ACTN2: variants seen among roughly 807,000 people sequenced by gnomAD.
The protein encoded by ACTN2 is alpha-actinin-2.
Under a neutral mutation model 113.8 loss-of-function variants are expected in ACTN2, and 39 were observed. The observed-to-expected ratio is 0.34, with a 90% confidence interval of 0.27 to 0.45. The LOEUF is 0.45. Among genes scored for constraint, ACTN2 ranks in the 20% least tolerant of loss-of-function variants. The probability of loss-of-function intolerance (pLI) is 1.00; values close to 1 mark genes in which losing one functional copy is unlikely to be tolerated. For missense variants in ACTN2, 992 were observed against 1,177.9 expected (o/e 0.84, Z 2.31); for synonymous variants, 429 against 444.1 (o/e 0.97, Z 0.43).
chr1:236,750,546 AGCTTC>A (rs1384065389), intron 14 of ACTN2, among the ~76,000 whole-genome samples: 1 of 152,202 alleles, frequency 6.6e-6, no homozygotes, highest in African/African-American at 2.4e-5. Flanking sequence ...AGAGAACAGT[AGCTTC>A]ACACTCAAAG....
intron 1 of ACTN2, among the ~76,000 whole-genome samples, chr1:236,689,567 C>T (rs1406278295): frequency 6.6e-6 from 1 of 151,740 alleles, no homozygotes; most frequent in Non-Finnish European, 1.5e-5. Flanking sequence ...ACTGTGTTGC[C>T]CAGGCTGGTC....
chr1:236,709,243 TATATATATATATACACACACACACACAC>T (rs1657929239), intron 1 of ACTN2, among the ~76,000 whole-genome samples: 1 of 84,444 alleles, frequency 1.2e-5, no homozygotes, highest in African/African-American at 3.6e-5. Flanking sequence ...TATATATATA[TATATATATATATACACACACACACACAC>T]ATATATATGT....
At chr1:236,716,599 T>C (rs531401205) in intron 1 of ACTN2, among the ~76,000 whole-genome samples, 4 of 152,312 alleles carry the variant, frequency 2.6e-5, no homozygotes, top group Admixed American at 2.6e-4. Flanking sequence ...TATAGTCACC[T>C]TTGAGATCCA....
rs185183653 is a variant in ACTN2 at position 236,754,303 on chromosome 1, G to T, written c.1974+222G>T. ...ATGCAGGAAGGCGGCACTCAAGGAA[G>T]GGGAGGGGGGTCTTGCTGGGTTCTG... On this transcript the variant is annotated intron_variant, in intron 16 of 20. Coordinates refer to ENST00000366578, the MANE Select transcript of ACTN2 (RefSeq NM_001103.4). The surrounding 1 kb of genome is among the most constrained non-coding windows in gnomAD (Gnocchi z 4.9). 2.1e-3 allele frequency among the ~76,000 whole-genome samples: 318 copies of T among 152,322 alleles called. 1 individual carries two copies. Among genetic ancestry groups the T allele is most frequent in the African/African-American group, 7.4e-3 (307 of 41,576 alleles).
intron 15 of ACTN2, among the ~76,000 whole-genome samples, chr1:236,753,009 C>T (rs973011411): frequency 1.3e-5 from 2 of 152,128 alleles, no homozygotes; most frequent in African/African-American, 4.8e-5. Context: ...GTAGTTTTTT[C>T]TCTTCCATTG....
In ACTN2 at chr1:236,754,548, C is replaced by T. The variant is rs1659496786; in HGVS notation, c.1974+467C>T. The stretch of plus-strand genomic sequence containing the variant: ...ATTTATTGACCCACTTATTTCTTGT[C>T]CCACCACCCTTTTGGTGTTGAAATA... On this transcript the variant is annotated intron_variant, in intron 16 of 20. Transcript: ENST00000366578. The surrounding 1 kb of genome is among the most constrained non-coding windows in gnomAD (Gnocchi z 4.9). 6.6e-6 allele frequency among the ~76,000 whole-genome samples: 1 copy of T among 152,260 alleles called. No individual in the cohort carries two copies. Among genetic ancestry groups the T allele is most frequent in the Non-Finnish European group, 1.5e-5 (1 of 68,030 alleles).
intron 1 of ACTN2, among the ~76,000 whole-genome samples, chr1:236,703,317 G>T (rs1366538981): frequency 1.3e-5 from 2 of 152,104 alleles, no homozygotes; most frequent in Non-Finnish European, 2.9e-5. Flanking sequence ...GGGGGAGGCA[G>T]GTGTGACCCC....
chr1:236,741,896 T>C (rs1286263713), intron 10 of ACTN2, among the ~76,000 whole-genome samples: 1 of 152,194 alleles, frequency 6.6e-6, no homozygotes, highest in African/African-American at 2.4e-5. Flanking sequence ...TCCTGGCCTA[T>C]AAGGGCCTGC....
At chr1:236,740,133 A>G (rs1460807990) in intron 10 of ACTN2, among the ~76,000 whole-genome samples, 1 of 150,748 alleles carries the variant, frequency 6.6e-6, no homozygotes, top group East Asian at 1.9e-4. Flanking sequence ...TTTTTTTTGG[A>G]GACGGAGTCT....
rs3738545 is a variant in ACTN2 at position 236,751,310 on chromosome 1, G to C, written c.1657-160G>C. Reference sequence around the variant, plus strand: ...TCCATTTTCCAGGAACTTGACTTCTGTGTACCTAAAGAGTTTTTTCTAAAG... The same window carrying C: ...TCCATTTTCCAGGAACTTGACTTCTCTGTACCTAAAGAGTTTTTTCTAAAG... On this transcript the variant is annotated intron_variant, in intron 14 of 20. Coordinates refer to ENST00000366578, the MANE Select transcript of ACTN2 (RefSeq NM_001103.4). 0.66 allele frequency among the ~76,000 whole-genome samples: 99,595 copies of C among 151,990 alleles called. 34,847 individuals carry two copies. Among genetic ancestry groups the C allele is most frequent in the Non-Finnish European group, 0.79 (53,814 of 67,978 alleles).
intron 3 of ACTN2, among the ~76,000 whole-genome samples, 193 bp downstream of exon 3, chr1:236,719,206 G>C (rs1313261379): frequency 1.3e-5 from 2 of 152,170 alleles, no homozygotes; most frequent in African/African-American, 4.8e-5. Flanking sequence ...CCAAGCTCTA[G>C]GTTCTTTGTA....
At chr1:236,737,039 C>A in intron 8 of ACTN2, 83 bp from the exon 9 acceptor site, 2 of 1,184,394 alleles carry the variant, frequency 1.7e-6, no homozygotes, top group Non-Finnish European at 2.5e-6. Flanking sequence ...CTCCTCGTCC[C>A]CTCTCATCAC....
At chr1:236,697,035 C>A (rs1165756213) in intron 1 of ACTN2, among the ~76,000 whole-genome samples, 2 of 152,222 alleles carry the variant, frequency 1.3e-5, no homozygotes, top group Non-Finnish European at 2.9e-5. Flanking sequence ...GAATTCTAAT[C>A]ATTTCTAGCC....
intron 8 of ACTN2, 37 bp from the exon 9 acceptor site, chr1:236,737,085 C>A: frequency 6.4e-7 from 1 of 1,557,406 alleles, no homozygotes; most frequent in Non-Finnish European, 8.8e-7. Flanking sequence ...GCATTCCCGT[C>A]GACAGAGCCG....
chr1:236,761,429 TTGCGTG>T (rs748412241), intron 20 of ACTN2, among the ~76,000 whole-genome samples: 5 of 58,858 alleles, frequency 8.5e-5, no homozygotes, highest in Non-Finnish European at 1.6e-4. Flanking sequence ...GTATTTGTAC[TTGCGTG>T]TGTGTGTGTG....
chr1:236,760,214 C>G (rs918957203), intron 19 of ACTN2, among the ~76,000 whole-genome samples: 1 of 151,654 alleles, frequency 6.6e-6, no homozygotes, highest in Non-Finnish European at 1.5e-5. Flanking sequence ...CCACTGCACT[C>G]CAGCCTAGAT....
At chr1:236,712,581 C>T (rs1047350594) in intron 1 of ACTN2, among the ~76,000 whole-genome samples, 2 of 152,086 alleles carry the variant, frequency 1.3e-5, no homozygotes, top group African/African-American at 2.4e-5. Flanking sequence ...GATCGCTGAG[C>T]CCAGGAATTC....
intron 19 of ACTN2, 80 bp from the exon 20 acceptor site, chr1:236,760,935 T>G: frequency 6.4e-7 from 1 of 1,567,488 alleles, no homozygotes; most frequent in Non-Finnish European, 8.8e-7. Flanking sequence ...AATTGGCATG[T>G]CACCAGGGAA....
intron 6 of ACTN2, among the ~76,000 whole-genome samples, chr1:236,729,097 AC>A (rs906416759): frequency 8.6e-5 from 13 of 151,900 alleles, no homozygotes; most frequent in Non-Finnish European, 2.9e-5. Flanking sequence ...GGGTGGTGAA[AC>A]CCTGTCTGTT....
Sources: allele counts gnomAD v4.1 joint callset (sites outside exome capture counted in the v4.1 genomes callset), GRCh38; gene constraint gnomAD v4.1.1; non-coding constraint Gnocchi (gnomAD v3.1); transcripts MANE v1.5; gene names NCBI Gene and HGNC (gene_info 2026-07-23, HGNC 2026-07-21).